The following SV2C variants were observed in gnomAD, a reference collection of about 807,000 sequenced individuals.
SV2C encodes synaptic vesicle glycoprotein 2C, also known as solute carrier family 22 member B3.
In SV2C, 49 loss-of-function variants were observed where a neutral mutation model predicts 79.7. That is an observed-to-expected ratio of 0.61 (90% CI 0.49 to 0.78). SV2C has a LOEUF of 0.78. Ranked by LOEUF, SV2C falls within the 30% of genes least tolerant of loss-of-function variation. The pLI is 0.00. For synonymous variants in SV2C, 334 were observed against 333.2 expected (o/e 1.00, Z -0.03); for missense variants, 833 against 912.9 (o/e 0.91, Z 1.13).
chr5:76,016,867 A>C, the SV2C span, among the ~76,000 whole-genome samples: 1 of 152,210 alleles, frequency 6.6e-6, no homozygotes, highest in African/African-American at 2.4e-5. Context: ...CACTTCACTC[A>C]AAGAGGGAAT....
chr5:75,933,114 A>G, the SV2C span, among the ~76,000 whole-genome samples: 9 of 152,178 alleles, frequency 5.9e-5, no homozygotes, highest in African/African-American at 1.4e-4. Flanking sequence ...TTACAACTCT[A>G]TCTAATTCTT....
intron 12 of SV2C, among the ~76,000 whole-genome samples, chr5:76,348,796 C>T (rs1249454155): frequency 1.3e-5 from 2 of 151,698 alleles, no homozygotes; most frequent in African/African-American, 2.4e-5. Context: ...ATCAGGAGTT[C>T]AAGACCAGCC....
At chr5:75,901,370 G>C in the SV2C span, among the ~76,000 whole-genome samples, 1 of 152,176 alleles carries the variant, frequency 6.6e-6, no homozygotes, top group African/African-American at 2.4e-5. Context: ...TGTTTGCCTG[G>C]GTATCAGCAG....
chr5:76,276,966 G>T (rs777191727), intron 4 of SV2C, among the ~76,000 whole-genome samples: 1 of 152,126 alleles, frequency 6.6e-6, no homozygotes, highest in East Asian at 1.9e-4. Context: ...GCACATATAG[G>T]CACTAAAGTA....
At chr5:75,967,652 G>A in the SV2C span, among the ~76,000 whole-genome samples, 219 of 152,334 alleles carry the variant, frequency 1.4e-3, 6 homozygotes, top group East Asian at 0.04. Context: ...CGAGGCTTCA[G>A]TAGATAAACA....
chr5:76,160,697 G>T (rs137882888), intron 2 of SV2C, among the ~76,000 whole-genome samples: 141 of 152,176 alleles, frequency 9.3e-4, no homozygotes, highest in African/African-American at 2.9e-3. Flanking sequence ...AATTTAATAA[G>T]ACAACCCACT....
chr5:76,016,148 GCT>G, the SV2C span, among the ~76,000 whole-genome samples: 2 of 149,094 alleles, frequency 1.3e-5, no homozygotes, highest in Admixed American at 1.4e-4. Flanking sequence ...TTCTTAGCAT[GCT>G]CTCTTTGCTT....
intron 6 of SV2C, among the ~76,000 whole-genome samples, chr5:76,290,041 C>T (rs1479046928): frequency 2.6e-5 from 4 of 151,324 alleles, no homozygotes; most frequent in Non-Finnish European, 5.9e-5. Flanking sequence ...GGAAGCCTCC[C>T]AAAAGTAGTA....
chr5:76,112,530 G>A (rs1444368357), intron 1 of SV2C, among the ~76,000 whole-genome samples: 1 of 152,286 alleles, frequency 6.6e-6, no homozygotes, highest in East Asian at 1.9e-4. Flanking sequence ...TTTCAGTAGG[G>A]GAGTGAGGTT....
chr5:76,345,872 C>T (rs1456332542), intron 12 of SV2C, among the ~76,000 whole-genome samples: 1 of 152,156 alleles, frequency 6.6e-6, no homozygotes, highest in East Asian at 1.9e-4. Flanking sequence ...AGGCAGAAGG[C>T]TCCAGCATCT....
intron 1 of SV2C, among the ~76,000 whole-genome samples, chr5:76,100,769 G>T (rs1409925659): frequency 6.6e-6 from 1 of 152,282 alleles, no homozygotes; most frequent in African/African-American, 2.4e-5. Context: ...GTGTTTGCTC[G>T]AGGTAGGGTT....
intron 2 of SV2C, among the ~76,000 whole-genome samples, chr5:76,152,283 C>G (rs980943156): frequency 6.6e-6 from 1 of 152,150 alleles, no homozygotes; most frequent in Non-Finnish European, 1.5e-5. Flanking sequence ...ACATTGGTTA[C>G]AAGGTACTTT....
At chr5:76,080,559 T>G (rs1315093493), upstream of SV2C, among the ~76,000 whole-genome samples, 1 of 152,250 alleles carries the variant, frequency 6.6e-6, no homozygotes, top group African/African-American at 2.4e-5. Context: ...GTGCTTCTTG[T>G]GTATATTATA....
intron 4 of SV2C, among the ~76,000 whole-genome samples, chr5:76,217,363 C>A (rs992847235): frequency 6.6e-6 from 1 of 152,204 alleles, no homozygotes; most frequent in Non-Finnish European, 1.5e-5. Flanking sequence ...GATTCCTCAA[C>A]CAGACAGATA....
At chr5:76,233,668 A>C (rs1035400474) in intron 4 of SV2C, among the ~76,000 whole-genome samples, 5 of 151,540 alleles carry the variant, frequency 3.3e-5, no homozygotes, top group Non-Finnish European at 5.9e-5. Flanking sequence ...GAATTTTGTC[A>C]AAGGCCTCTT....
chr5:76,080,865 A>G (rs1746975401), upstream of SV2C, among the ~76,000 whole-genome samples: 1 of 152,228 alleles, frequency 6.6e-6, no homozygotes, highest in African/African-American at 2.4e-5. Context: ...AGGCATGAAT[A>G]AAACTAGTCT....
chr5:75,885,039 C>T, the SV2C span, among the ~76,000 whole-genome samples: 1 of 151,276 alleles, frequency 6.6e-6, no homozygotes, highest in African/African-American at 2.5e-5. Flanking sequence ...CACGACTCAA[C>T]AAGTGAAAAT....
intron 12 of SV2C, among the ~76,000 whole-genome samples, chr5:76,307,533 T>G (rs1024601321): frequency 6.6e-6 from 1 of 152,224 alleles, no homozygotes; most frequent in African/African-American, 2.4e-5. Context: ...AGGACTGGTC[T>G]GCTGTGGCCT....
At chr5:76,242,336 C>T in intron 4 of SV2C, 2 of 1,428,040 alleles carry the variant, frequency 1.4e-6, no homozygotes, top group Non-Finnish European at 9.7e-7. Flanking sequence ...GTGCTGGACG[C>T]GGGACGCAGC....
Sources: allele counts gnomAD v4.1 joint callset (sites outside exome capture counted in the v4.1 genomes callset), GRCh38; gene constraint gnomAD v4.1.1; transcripts MANE v1.5; gene names NCBI Gene and HGNC (gene_info 2026-07-23, HGNC 2026-07-21).